The following ABI3BP variants were observed in gnomAD, a reference collection of about 807,000 sequenced individuals.
The protein encoded by ABI3BP is ABI family member 3 binding protein.
Under a neutral mutation model 268.6 loss-of-function variants are expected in ABI3BP, and 216 were observed. The observed-to-expected ratio is 0.80, with a 90% confidence interval of 0.72 to 0.90. The LOEUF (loss-of-function observed/expected upper bound fraction) is 0.90. Ranked by LOEUF, ABI3BP falls within the 40% of genes least tolerant of loss-of-function variation. The pLI is 0.00. For missense variants in ABI3BP, 2,090 were observed against 2,182.4 expected, an observed-to-expected ratio of 0.96 and a Z score of 0.84; for synonymous variants, 730 against 730.0, an observed-to-expected ratio of 1.00 and a Z score of 0.00.
At chr3:100,900,433 G>A (rs1319689741) in intron 3 of ABI3BP, among the ~76,000 whole-genome samples, 1 of 152,186 alleles carries the variant, frequency 6.6e-6, no homozygotes, top group African/African-American at 2.4e-5. Flanking sequence ...GTCACATTAA[G>A]AGCAAAGTCA....
chr3:100,749,567 TACAA>T lies in ABI3BP; in HGVS notation c.*924_*927del, dbSNP rs2095212634. On this transcript the variant is annotated 3_prime_UTR_variant, in exon 68 of 68. Coordinates refer to ENST00000471714, the MANE Select transcript of ABI3BP (RefSeq NM_001375547.2). ...TTTATTACAGATTGAATTAAACAGT[TACAA>T]AGACATTCTCTGATACATTCATTCA... The T allele has an allele frequency of 5.0e-6, 2 of 397,484 alleles. No individual in the cohort carries two copies. Among genetic ancestry groups the T allele is most frequent in the East Asian group, 3.6e-5 (1 of 27,930 alleles). 24.6% of individuals were successfully genotyped at this position (397,484 alleles called of 1,614,324 possible). A position where few individuals can be genotyped will look rare whatever the true frequency, so the allele number is the denominator to read the frequency against.
chr3:100,989,562 T>A (rs1459805959), intron 1 of ABI3BP, among the ~76,000 whole-genome samples: 1 of 151,916 alleles, frequency 6.6e-6, no homozygotes, highest in African/African-American at 2.4e-5. Flanking sequence ...ATCCCAAGAG[T>A]CACACCCAAG....
intron 6 of ABI3BP, among the ~76,000 whole-genome samples, chr3:100,877,978 G>T (rs752502427): frequency 2.0e-5 from 3 of 152,000 alleles, no homozygotes; most frequent in Non-Finnish European, 4.4e-5. Flanking sequence ...TCATATTAAG[G>T]TTCTTATGTT....
chr3:100,950,793 T>G (rs2074621062), intron 1 of ABI3BP, among the ~76,000 whole-genome samples: 1 of 151,940 alleles, frequency 6.6e-6, no homozygotes, highest in Non-Finnish European at 1.5e-5. Context: ...TTCTAAGGGC[T>G]CTAATCATCA....
At chr3:100,789,367 T>C in intron 56 of ABI3BP, 87 bp downstream of exon 56, 1 of 1,269,976 alleles carries the variant, frequency 7.9e-7, no homozygotes, top group Non-Finnish European at 1.1e-6. Flanking sequence ...AATGTAAGGG[T>C]TCCCCTTTGG....
At chr3:100,964,138 G>A (rs1407898951) in intron 1 of ABI3BP, among the ~76,000 whole-genome samples, 1 of 152,126 alleles carries the variant, frequency 6.6e-6, no homozygotes, top group Non-Finnish European at 1.5e-5. Context: ...CTGCAAGGTG[G>A]GATCTTGCAA....
intron 43 of ABI3BP, 44 bp downstream of exon 43, chr3:100,816,644 G>T (rs966849631): frequency 5.5e-6 from 8 of 1,455,988 alleles, no homozygotes; most frequent in East Asian, 2.5e-5. Flanking sequence ...GCCTGCCAGG[G>T]TTCAGGTTCC....
rs1447399326 is a variant in ABI3BP at position 100,803,128 on chromosome 3, G to C, written c.3757+1664C>G. Among the ~76,000 whole-genome samples the C allele has an allele frequency of 1.4e-5, 2 of 146,138 alleles. 1 individual carries two copies. Among genetic ancestry groups the C allele is most frequent in the Non-Finnish European group, 3.1e-5 (2 of 64,424 alleles). Reference sequence around the variant, plus strand: ...AGAAACTTAACTCTGAACATGTGGAGCTGGAGAGGTGACAGAAGACCACTA... The same window carrying C: ...AGAAACTTAACTCTGAACATGTGGACCTGGAGAGGTGACAGAAGACCACTA... On this transcript the variant is annotated intron_variant, in intron 51 of 67. Transcript: ENST00000471714.
At chr3:100,776,618 C>T (rs972014486) in intron 59 of ABI3BP, among the ~76,000 whole-genome samples, 1 of 152,134 alleles carries the variant, frequency 6.6e-6, no homozygotes, top group African/African-American at 2.4e-5. Context: ...TTCTGTGATG[C>T]TAATCAGGCC....
intron 63 of ABI3BP, among the ~76,000 whole-genome samples, chr3:100,759,189 G>A (rs1228236614): frequency 6.6e-6 from 1 of 152,050 alleles, no homozygotes; most frequent in Non-Finnish European, 1.5e-5. Context: ...TTGTTCAGCC[G>A]AGTTTTACCC....
At chr3:100,808,628 T>A (rs937803790) in intron 49 of ABI3BP, among the ~76,000 whole-genome samples, 3 of 152,044 alleles carry the variant, frequency 2.0e-5, no homozygotes, top group Non-Finnish European at 4.4e-5. Context: ...AAAAACAAAG[T>A]TAACATGTTA....
intron 64 of ABI3BP, among the ~76,000 whole-genome samples, 192 bp from the exon 65 acceptor site, chr3:100,754,040 G>A (rs1314946486): frequency 6.6e-6 from 1 of 152,198 alleles, no homozygotes; most frequent in Non-Finnish European, 1.5e-5. Flanking sequence ...TCTCCTGCCT[G>A]GTAGGTATTC....
At chr3:100,811,888 G>A in intron 46 of ABI3BP, 89 bp from the exon 47 acceptor site, 1 of 967,250 alleles carries the variant, frequency 1.0e-6, no homozygotes, top group Non-Finnish European at 1.6e-6. Flanking sequence ...AAATAGAATT[G>A]AGCTATCTTA....
chr3:100,896,391 G>A (rs532332964), intron 4 of ABI3BP, among the ~76,000 whole-genome samples: 7 of 152,162 alleles, frequency 4.6e-5, no homozygotes, highest in South Asian at 2.1e-4. Context: ...AATTAGAATC[G>A]GTCATCAGAT....
rs763686746 is a variant in ABI3BP at position 100,866,885 on chromosome 3, T to A, written c.982A>T (p.Thr328Ser). Reference protein sequence around the residue: ...PEVEKISARPTTVTPETVPRS... With the variant: ...PEVEKISARPSTVTPETVPRS... ...AACATAGCGATCTCATTACCTGTTG[T>A]GGGTCGTGCTGAGATTTTTTCAACC... The change falls in exon 10 of 68, where the codon ACA becomes TCA. Residue 328 changes from threonine to serine, a missense_variant. Transcript: ENST00000471714. 43 of 1,613,558 alleles carry A rather than the reference T, an allele frequency of 2.7e-5. No individual in the cohort carries two copies. In the South Asian group the frequency reaches 4.6e-4, roughly 17 times the overall value.
intron 40 of ABI3BP, 148 bp downstream of exon 40, chr3:100,820,072 T>G (rs1357394525): frequency 1.5e-6 from 1 of 660,290 alleles, no homozygotes; most frequent in Non-Finnish European, 2.5e-6. Context: ...TGTTCTCCTT[T>G]GCTAACTCAA....
rs781516688 is a variant in ABI3BP, at chr3:100,749,782, A to T, written c.*713T>A. 1.5e-4 allele frequency: 60 copies of T among 397,878 alleles called. No individual in the cohort carries two copies. Among genetic ancestry groups the T allele is most frequent in the Non-Finnish European group, 2.2e-4 (50 of 225,638 alleles). 24.6% of individuals were successfully genotyped at this position (397,878 alleles called of 1,614,324 possible). A position where few individuals can be genotyped will look rare whatever the true frequency, so the allele number is the denominator to read the frequency against. On this transcript the variant is annotated 3_prime_UTR_variant, in exon 68 of 68. Transcript: ENST00000471714. ...ATAGTTTGACAAAGCATATTCAGAT[A>T]TTGTAACATTTATGGTGGGTAAAAA...
chr3:100,902,521 G>T (rs912131439), intron 3 of ABI3BP, 97 bp downstream of exon 3: 3 of 1,091,286 alleles, frequency 2.7e-6, no homozygotes, highest in South Asian at 2.9e-5. Context: ...CATTCTTAAA[G>T]CTTCTCAAGG....
intron 20 of ABI3BP, among the ~76,000 whole-genome samples, chr3:100,843,327 G>A (rs2098728599): frequency 6.6e-6 from 1 of 152,136 alleles, no homozygotes; most frequent in South Asian, 2.1e-4. Flanking sequence ...TGCAGAAATA[G>A]ATTGTAACAG....
Sources: allele counts gnomAD v4.1 joint callset (sites outside exome capture counted in the v4.1 genomes callset), GRCh38; gene constraint gnomAD v4.1.1; transcripts MANE v1.5; gene names NCBI Gene and HGNC (gene_info 2026-07-23, HGNC 2026-07-21).